Variants in SGCD observed in about 807,000 individuals in gnomAD.
SGCD encodes delta-sarcoglycan.
In SGCD, 18 loss-of-function variants were observed where a neutral mutation model predicts 36.6. The observed-to-expected ratio is 0.49, with a 90% CI of 0.34 to 0.73. The LOEUF (loss-of-function observed/expected upper bound fraction) is 0.73. Ranked by LOEUF, SGCD falls within the 30% of genes least tolerant of loss-of-function variation. SGCD has a pLI of 0.01. For missense variants in SGCD, 387 were observed against 346.7 expected, an observed-to-expected ratio of 1.12 and a Z score of -0.92; for synonymous variants, 133 against 130.6, an observed-to-expected ratio of 1.02 and a Z score of -0.12.
At chr5:155,761,686 T>TCCTCTCCATCAC in the SGCD span, among the ~76,000 whole-genome samples, 4 of 143,132 alleles carry the variant, frequency 2.8e-5, no homozygotes, top group East Asian at 4.3e-4. Context: ...ATCTCCATCA[T>TCCTCTCCATCAC]CCTCTCCATC....
intron 3 of SGCD, among the ~76,000 whole-genome samples, chr5:156,503,283 C>T (rs1399455875): frequency 1.3e-5 from 2 of 152,074 alleles, no homozygotes; most frequent in African/African-American, 4.8e-5. Context: ...GCACACAGCA[C>T]ATGATTATAC....
intron 1 of SGCD, among the ~76,000 whole-genome samples, chr5:155,941,010 T>G (rs1190848520): frequency 6.6e-6 from 1 of 152,134 alleles, no homozygotes; most frequent in Non-Finnish European, 1.5e-5. Context: ...ATTTTTTTTT[T>G]GGCTCGCAAT....
In SGCD at chr5:156,137,257, C is replaced by T. The variant is rs1007486776; in HGVS notation, c.-44+13238C>T. 9.9e-5 allele frequency among the ~76,000 whole-genome samples: 15 copies of T among 152,196 alleles called. No individual in the cohort carries two copies. In the East Asian group the frequency reaches 1.9e-3, roughly 20 times the overall value. On this transcript the variant is annotated intron_variant, in intron 3 of 9. Transcript: ENST00000517913. ...TGGGCTTAGTTTCCTGCTTGCTTATCGTTGAAGAAAGCCAGCCAGTGCTGC... is the reference window on the plus strand; with the variant it reads ...TGGGCTTAGTTTCCTGCTTGCTTATTGTTGAAGAAAGCCAGCCAGTGCTGC...
At chr5:156,215,583 T>C (rs1216348135) in intron 3 of SGCD, among the ~76,000 whole-genome samples, 2 of 152,134 alleles carry the variant, frequency 1.3e-5, no homozygotes, top group Non-Finnish European at 2.9e-5. Flanking sequence ...GAAAAAATGC[T>C]CAACCTCACT....
chr5:156,002,039 G>C (rs144841797), intron 1 of SGCD, among the ~76,000 whole-genome samples: 28 of 152,316 alleles, frequency 1.8e-4, no homozygotes, highest in Admixed American at 8.5e-4. Flanking sequence ...ATGAAAGAAA[G>C]ATAAGATGAC....
chr5:155,764,120 A>G, the SGCD span, among the ~76,000 whole-genome samples: 1 of 152,200 alleles, frequency 6.6e-6, no homozygotes, highest in Non-Finnish European at 1.5e-5. Flanking sequence ...GATTGGCCAG[A>G]TCCCAACTCT....
chr5:155,773,372 G>T, the SGCD span, among the ~76,000 whole-genome samples: 1 of 152,086 alleles, frequency 6.6e-6, no homozygotes, highest in Non-Finnish European at 1.5e-5. Context: ...TAAAGACGGG[G>T]TCTCACTATA....
intron 3 of SGCD, among the ~76,000 whole-genome samples, chr5:156,266,837 G>T (rs1462689175): frequency 6.7e-6 from 1 of 149,762 alleles, no homozygotes; most frequent in Non-Finnish European, 1.5e-5. Flanking sequence ...AGATGACAGA[G>T]AAAAAATAAA....
chr5:156,096,221 C>T (rs1244121652), intron 1 of SGCD, among the ~76,000 whole-genome samples: 1 of 152,178 alleles, frequency 6.6e-6, no homozygotes. Context: ...CCATGGCCAA[C>T]CACCAGGCTT....
chr5:156,002,861 C>A (rs1029720154), intron 1 of SGCD, among the ~76,000 whole-genome samples: 3 of 152,208 alleles, frequency 2.0e-5, no homozygotes, highest in African/African-American at 7.2e-5. Context: ...TTAGAACATG[C>A]AGCAAGAGGA....
the SGCD span, among the ~76,000 whole-genome samples, chr5:155,754,623 C>T: frequency 2.6e-5 from 4 of 152,112 alleles, no homozygotes; most frequent in African/African-American, 9.7e-5. Flanking sequence ...TATGTTATGG[C>T]GTCAGTTATA....
intron 1 of SGCD, among the ~76,000 whole-genome samples, chr5:156,110,664 A>G (rs1026368263): frequency 6.6e-6 from 1 of 152,094 alleles, no homozygotes; most frequent in Non-Finnish European, 1.5e-5. Context: ...CAACTTAAAA[A>G]AAAAAACTCT....
chr5:155,866,211 C>T (rs1012394441), upstream of SGCD, among the ~76,000 whole-genome samples: 1 of 151,682 alleles, frequency 6.6e-6, no homozygotes, highest in Non-Finnish European at 1.5e-5. Context: ...ATGAATATTC[C>T]CCCTCCCTCC....
chr5:156,739,879 A>G lies in SGCD; in HGVS notation c.576-17702A>G, dbSNP rs138430266. 1,025 of 152,306 alleles carry G rather than the reference A, an allele frequency of 6.7e-3. 5 individuals carry two copies. The highest frequency in any genetic ancestry group is 0.012 in the Non-Finnish European group (783 of 68,058). 9.4% of individuals were successfully genotyped at this position (152,306 alleles called of 1,614,324 possible). ...TCCTGCCACAAATGGAACTGGTACT[A>G]GATACCAGCTAGAATGCCCAACTCA... On this transcript the variant is annotated intron_variant, in intron 7 of 8. Transcript: ENST00000337851.
chr5:156,320,508 A>G (rs563563675), intron 3 of SGCD, among the ~76,000 whole-genome samples: 1 of 152,322 alleles, frequency 6.6e-6, no homozygotes, highest in East Asian at 1.9e-4. Flanking sequence ...TTTCACTGAA[A>G]AGAAACAGAA....
the SGCD span, among the ~76,000 whole-genome samples, chr5:155,732,257 T>A: frequency 2.4e-3 from 364 of 152,332 alleles, 1 homozygote; most frequent in South Asian, 6.8e-3. Flanking sequence ...CTGAGGAAAC[T>A]GAGACTTTGA....
intron 3 of SGCD, among the ~76,000 whole-genome samples, chr5:156,402,082 T>G (rs1016016970): frequency 1.3e-5 from 2 of 152,244 alleles, no homozygotes; most frequent in Non-Finnish European, 2.9e-5. Context: ...ATCCGTGTTG[T>G]AGTATGTATC....
At chr5:155,897,490 TC>T (rs1561642622) in intron 1 of SGCD, among the ~76,000 whole-genome samples, 1 of 152,180 alleles carries the variant, frequency 6.6e-6, no homozygotes, top group Non-Finnish European at 1.5e-5. Flanking sequence ...ATATTTATTT[TC>T]TTTAATAATA....
At chr5:155,947,299 G>A (rs1035177674) in intron 1 of SGCD, among the ~76,000 whole-genome samples, 3 of 20,756 alleles carry the variant, frequency 1.4e-4, no homozygotes, top group African/African-American at 9.7e-4. Context: ...ACTCTTGTGT[G>A]TGTGTGTGTG....
Sources: allele counts gnomAD v4.1 joint callset (sites outside exome capture counted in the v4.1 genomes callset), GRCh38; gene constraint gnomAD v4.1.1; transcripts MANE v1.5; gene names NCBI Gene and HGNC (gene_info 2026-07-23, HGNC 2026-07-21).